Variants in MED13 observed in about 807,000 individuals in gnomAD.
MED13 encodes mediator of RNA polymerase II transcription subunit 13.
A neutral mutation model predicts 225.2 loss-of-function variants in MED13; 23 were observed. That is an observed-to-expected ratio of 0.10 (90% CI 0.07 to 0.14). MED13 has a LOEUF of 0.14. Ranked by LOEUF, MED13 falls within the 10% of genes least tolerant of loss-of-function variation. The pLI is 1.00. For synonymous variants in MED13, 942 were observed against 889.2 expected (o/e 1.06, Z -1.06); for missense variants, 2,197 against 2,594.5 (o/e 0.85, Z 3.33).
intron 2 of MED13, among the ~76,000 whole-genome samples, chr17:62,061,089 C>A (rs1354944640): frequency 6.6e-6 from 1 of 152,150 alleles, no homozygotes; most frequent in African/African-American, 2.4e-5. Flanking sequence ...AAGACTGTAA[C>A]CTAGTTTCAG....
At chr17:61,964,929 G>C in intron 20 of MED13, 77 bp downstream of exon 20, 1 of 1,332,148 alleles carries the variant, frequency 7.5e-7, no homozygotes, top group Non-Finnish European at 1.0e-6. Flanking sequence ...GAGTGAGACT[G>C]TGTCTCAAGA....
chr17:62,020,780 A>G (rs1335464257), intron 8 of MED13, among the ~76,000 whole-genome samples: 2 of 150,706 alleles, frequency 1.3e-5, no homozygotes, highest in African/African-American at 4.9e-5. Flanking sequence ...AGGGAAGGTC[A>G]GCAGATAAAC....
chr17:61,990,715 A>T (rs1441307291), intron 11 of MED13, among the ~76,000 whole-genome samples: 1 of 151,058 alleles, frequency 6.6e-6, no homozygotes, highest in African/African-American at 2.4e-5. Flanking sequence ...CTTGTCAATT[A>T]AAAAAATTAT....
intron 8 of MED13, among the ~76,000 whole-genome samples, chr17:62,024,534 A>T (rs528624579): frequency 6.6e-6 from 1 of 152,126 alleles, no homozygotes; most frequent in African/African-American, 2.4e-5. Context: ...ATCCTAATTT[A>T]TTTTTTTCTC....
chr17:62,000,995 C>A (rs1226447170), intron 9 of MED13, among the ~76,000 whole-genome samples: 1 of 152,124 alleles, frequency 6.6e-6, no homozygotes, highest in African/African-American at 2.4e-5. Flanking sequence ...AACTCCTGAC[C>A]TCGTGATCCA....
intron 8 of MED13, among the ~76,000 whole-genome samples, chr17:62,012,048 C>T (rs183325127): frequency 6.6e-6 from 1 of 151,884 alleles, no homozygotes; most frequent in Non-Finnish European, 1.5e-5. Context: ...AAAACCCCGT[C>T]CTTACAAAAA....
At position 62,030,026 on chromosome 17, in the gene MED13, C is replaced by CA. The variant is rs753630500; in HGVS notation, c.1010-14dup. 1.1e-5 allele frequency: 17 copies of CA among 1,514,954 alleles called. No homozygotes were observed. Among genetic ancestry groups the CA allele is most frequent in the East Asian group, 2.3e-5 (1 of 42,852 alleles). 93.8% of individuals were successfully genotyped at this position (1,514,954 alleles called of 1,614,324 possible). The stretch of plus-strand genomic sequence containing the variant: ...GACTGAGGATCAACTGAAAACAAAA[C>CA]AAAAAAACAGGCTGTAGGAGAATAA... On this transcript the variant is annotated splice_polypyrimidine_tract_variant and intron_variant, in intron 6 of 29. Coordinates refer to ENST00000397786, the MANE Select transcript of MED13 (RefSeq NM_005121.3).
intron 8 of MED13, among the ~76,000 whole-genome samples, chr17:62,023,677 A>G (rs1261170060): frequency 6.6e-6 from 1 of 152,202 alleles, no homozygotes; most frequent in African/African-American, 2.4e-5. Flanking sequence ...AACAGAGAAA[A>G]AGCAGAAATG....
chr17:61,969,910 T>C (rs535130241), intron 17 of MED13, among the ~76,000 whole-genome samples: 1 of 152,082 alleles, frequency 6.6e-6, no homozygotes, highest in African/African-American at 2.4e-5. Flanking sequence ...TGAGTGTTCT[T>C]ACCATAATAA....
At chr17:62,055,548 T>G (rs965870995) in intron 2 of MED13, among the ~76,000 whole-genome samples, 13 of 152,166 alleles carry the variant, frequency 8.5e-5, no homozygotes, top group Non-Finnish European at 1.9e-4. Flanking sequence ...TGAGGCCATG[T>G]GCGGTGGCTC....
chr17:61,961,117 TCATAC>T (rs1244675045), intron 22 of MED13, 27 bp from the exon 23 acceptor site: 2 of 1,489,000 alleles, frequency 1.3e-6, no homozygotes, highest in East Asian at 4.6e-5. Context: ...TAAGGTATTA[TCATAC>T]TATACAATCT....
chr17:61,985,023 T>C lies in MED13; in HGVS notation c.2453A>G (p.Asn818Ser), dbSNP rs2080235892. The change falls in exon 13 of 30, where the codon AAT becomes AGT. Residue 818 changes from asparagine to serine, a missense_variant. This residue lies in a region of MED13 where 41 missense variants were observed against 55.8 expected (regional missense o/e 0.73). Coordinates refer to ENST00000397786, the MANE Select transcript of MED13 (RefSeq NM_005121.3). ...KASCKESKTG[N>S]LDPLSCISTA... ...ACTTATGCAAGATAACGGGTCCAGATTTCCTGTCTTTGATTCCTTGCAGCT... is the reference window on the plus strand; with the variant it reads ...ACTTATGCAAGATAACGGGTCCAGACTTCCTGTCTTTGATTCCTTGCAGCT... 6.2e-7 allele frequency: 1 copy of C among 1,614,054 alleles called. No individual in the cohort carries two copies. Among genetic ancestry groups the C allele is most frequent in the Non-Finnish European group, 8.5e-7 (1 of 1,179,980 alleles).
intron 3 of MED13, 127 bp downstream of exon 3, chr17:62,052,410 A>G (rs935511544): frequency 2.4e-5 from 14 of 579,914 alleles, no homozygotes; most frequent in Non-Finnish European, 3.8e-5. Context: ...GACTGTATCT[A>G]GTACTCTGTC....
intron 9 of MED13, among the ~76,000 whole-genome samples, chr17:61,997,637 C>T (rs529564054): frequency 6.6e-6 from 1 of 152,156 alleles, no homozygotes; most frequent in East Asian, 1.9e-4. Context: ...AAATCAAGGG[C>T]TTTGCTGAGG....
At chr17:62,031,796 CT>C (rs201086493) in intron 5 of MED13, among the ~76,000 whole-genome samples, 158 bp from the exon 6 acceptor site, 10,115 of 144,584 alleles carry the variant, frequency 0.07, 554 homozygotes, top group South Asian at 0.3. Flanking sequence ...TTTTTCTTTT[CT>C]TTTTTTTTTT....
At chr17:61,947,161 C>T (rs2079857515) in intron 28 of MED13, 144 bp from the exon 29 acceptor site, 8 of 486,574 alleles carry the variant, frequency 1.6e-5, no homozygotes, top group Admixed American at 1.1e-4. Context: ...TATAAAAATG[C>T]TTGTTCTCTT....
intron 23 of MED13, among the ~76,000 whole-genome samples, chr17:61,959,726 C>CTTTT (rs11288442): frequency 4.2e-5 from 5 of 119,684 alleles, no homozygotes; most frequent in South Asian, 2.8e-4. Flanking sequence ...GAACCCAAAT[C>CTTTT]TTTTTTTTTT....
Position 62,016,177 on chromosome 17 carries a change from AC to A in MED13, c.1284-4945del, listed in dbSNP as rs1447972479. Among the ~76,000 whole-genome samples, 10 of 144,976 alleles carry A rather than the reference AC, an allele frequency of 6.9e-5. 1 individual carries two copies. Among genetic ancestry groups the A allele is most frequent in the East Asian group, 4.1e-4 (2 of 4,924 alleles). ...AAAACACAAAAAACCAAGAACAACAACAAAAAAAAAAACCCAGCAGGTCCTA... is the reference window on the plus strand; with the variant it reads ...AAAACACAAAAAACCAAGAACAACAAAAAAAAAAAAACCCAGCAGGTCCTA... On this transcript the variant is annotated intron_variant, in intron 8 of 29. Coordinates refer to ENST00000397786, the MANE Select transcript of MED13 (RefSeq NM_005121.3).
Position 61,962,968 on chromosome 17 carries a change from C to A in MED13, c.4848G>T (p.Thr1616=), listed in dbSNP as rs2278812. 1 of 1,613,470 alleles carries A rather than the reference C, an allele frequency of 6.2e-7. No homozygotes were observed. The highest frequency in any genetic ancestry group is 8.5e-7 in the Non-Finnish European group (1 of 1,179,816). ...GGATTCCCACTTTATCCCGATCCAT[C>A]GTGCTAAAATTTAAGGTAGAAATGA... ...TQPHPDVSES[T]MDRDKVGIPT... Residue 1616 remains threonine (T), a synonymous_variant, in exon 21 of 30, where the codon ACG becomes ACT. Coordinates refer to ENST00000397786, the MANE Select transcript of MED13 (RefSeq NM_005121.3).
Sources: gnomAD v4.1 joint callset for allele counts (sites outside exome capture counted in the v4.1 genomes callset) on GRCh38, gnomAD v4.1.1 for gene constraint, gnomAD v4.1.1 regional missense constraint, MANE v1.5 for transcripts, NCBI Gene and HGNC (gene_info 2026-07-23, HGNC 2026-07-21) for gene names.